TASOR: variants seen among roughly 807,000 people sequenced by gnomAD.
The protein encoded by TASOR is transcription activation suppressor, also known as protein TASOR.
Under a neutral mutation model 178.6 loss-of-function variants are expected in TASOR, and 53 were observed. That is an observed-to-expected ratio of 0.30 (90% CI 0.24 to 0.37). TASOR has a LOEUF of 0.37. Ranked by LOEUF, TASOR falls within the 10% of genes least tolerant of loss-of-function variation. The pLI is 1.00. For missense variants in TASOR, 1,815 were observed against 1,971.4 expected, an observed-to-expected ratio of 0.92 and a Z score of 1.50; for synonymous variants, 713 against 696.2, an observed-to-expected ratio of 1.02 and a Z score of -0.38.
rs1037820175 is a variant in TASOR at position 56,620,534 on chromosome 3, C to CTTT, written c.*2500_*2502dup. 5 of 152,152 alleles carry CTTT rather than the reference C, an allele frequency of 3.3e-5. No individual in the cohort carries two copies. Among genetic ancestry groups the CTTT allele is most frequent in the African/African-American group, 1.2e-4 (5 of 41,420 alleles). The allele number at this position is 152,152 out of a possible 1,614,324, so 9.4% of individuals were successfully genotyped here. A position where few individuals can be genotyped will look rare whatever the true frequency, so the allele number is the denominator to read the frequency against. On this transcript the variant is annotated 3_prime_UTR_variant, in exon 24 of 24. Coordinates refer to ENST00000683822, the MANE Select transcript of TASOR (RefSeq NM_001365635.2). ...AGAGTAAGCTGTGTTTAAAAGTGCC[C>CTTT]TTTTCCATGTCGTCATGTACCAATA...
rs752951433 is a variant in TASOR, at chr3:56,627,792, C to T, written c.3871-51G>A. The stretch of plus-strand genomic sequence containing the variant: ...GAAACAGATGGAGGGAATGAATTGA[C>T]AGACTCAAGTGTGAAGGAACCTACA... On this transcript the variant is annotated intron_variant, in intron 19 of 23. Transcript: ENST00000683822. 25 of 1,568,124 alleles carry T rather than the reference C, an allele frequency of 1.6e-5. No homozygotes were observed. The South Asian group carries it at 2.9e-4, about 18-fold the overall frequency.
chr3:56,664,207 C>T (rs2077660672), intron 7 of TASOR: 1 of 151,990 alleles, frequency 6.6e-6, no homozygotes, highest in South Asian at 2.1e-4. Flanking sequence ...ATGCAGAGGC[C>T]CTGAAGCAGG....
Position 56,682,863 on chromosome 3 carries a change from G to C in TASOR, c.144C>G (p.Ile48Met). 1 of 1,549,868 alleles carries C rather than the reference G, an allele frequency of 6.5e-7. No homozygotes were observed. Among genetic ancestry groups the C allele is most frequent in the Middle Eastern group, 1.7e-4 (1 of 5,988 alleles). ...GCCCAGCGCCGCCGCTGGGCTCAGC[G>C]ATGTTGAGGCCGCCGCCGCCGCCAT... ...QQNGGGGGLN[I>M]AEPSGGAGRE... Residue 48 changes from isoleucine (I) to methionine (M), a missense_variant, in exon 1 of 24, where the codon ATC (isoleucine) becomes ATG (methionine). Around this residue, in one of 5 missense-constraint regions of TASOR, gnomAD observed 244 missense variants for 202.7 expected, o/e 1.20. Coordinates refer to ENST00000683822, the MANE Select transcript of TASOR (RefSeq NM_001365635.2).
intron 14 of TASOR, among the ~76,000 whole-genome samples, chr3:56,645,502 C>A (rs1429140970): frequency 1.3e-5 from 2 of 152,142 alleles, no homozygotes; most frequent in Admixed American, 6.5e-5. Context: ...TAACACAAAA[C>A]GTGGATTGTT....
Position 56,621,568 on chromosome 3 carries a change from CTCCTG to C in TASOR, c.*1464_*1468del. On this transcript the variant is annotated 3_prime_UTR_variant, in exon 24 of 24. Coordinates refer to ENST00000683822, the MANE Select transcript of TASOR (RefSeq NM_001365635.2). ...GAAGCAAAAGGAGTTGGAAAGTAGT[CTCCTG>C]CCTTTAGCTGAAAATCAAGAAGAGA... The C allele has an allele frequency of 6.2e-7, 1 of 1,602,614 alleles. No homozygotes were observed. Among genetic ancestry groups the C allele is most frequent in the Non-Finnish European group, 8.5e-7 (1 of 1,175,118 alleles).
rs1348840247 is a variant in TASOR, at chr3:56,633,466, C to T, written c.3325G>A (p.Ala1109Thr). ...TCCAGAGGATTCGATGCTATCTTAGCACCAGAATCGTTAGGACTGACTGGT... is the reference window on the plus strand; with the variant it reads ...TCCAGAGGATTCGATGCTATCTTAGTACCAGAATCGTTAGGACTGACTGGT... ...LPPVSPNDSG[A>T]KIASNPLERH... The change falls in exon 18 of 24, where the codon GCT becomes ACT. Residue 1109 changes from alanine to threonine, a missense_variant. By Grantham distance (58) the Ala-to-Thr change is moderately conservative. This residue lies in a region of TASOR where 655 missense variants were observed against 671.1 expected (regional missense o/e 0.98). Transcript: ENST00000683822. 6.2e-7 allele frequency: 1 copy of T among 1,614,018 alleles called. No homozygotes were observed. The highest frequency in any genetic ancestry group is 8.5e-7 in the Non-Finnish European group (1 of 1,180,026).
At chr3:56,669,997 G>A in intron 4 of TASOR, 76 bp downstream of exon 4, 1 of 1,047,924 alleles carries the variant, frequency 9.5e-7, no homozygotes, top group South Asian at 1.6e-5. Flanking sequence ...AACAACTGCA[G>A]TGAAATTACG....
intron 1 of TASOR, among the ~76,000 whole-genome samples, chr3:56,676,392 T>C (rs1429212128): frequency 2.6e-5 from 4 of 152,212 alleles, no homozygotes; most frequent in Non-Finnish European, 2.9e-5. Flanking sequence ...AAGGCATATA[T>C]TGTCTTCATT....
intron 1 of TASOR, among the ~76,000 whole-genome samples, chr3:56,674,387 G>C (rs1457415455): frequency 6.6e-6 from 1 of 151,480 alleles, no homozygotes; most frequent in Non-Finnish European, 1.5e-5. Context: ...GTGCATGCCT[G>C]TAGTACCAGC....
rs1382621387 is a variant in TASOR, at chr3:56,627,730, C to T, written c.3882G>A (p.Leu1294=). Residue 1294 remains leucine (L), a synonymous_variant, in exon 20 of 24, where the codon TTG becomes TTA. Coordinates refer to ENST00000683822, the MANE Select transcript of TASOR (RefSeq NM_001365635.2). ...CACAGGGGAGCTTCTTTAAAGTCAC[C>T]AAGCCAGGTATCTGTTTAAATCCCA... ...IAGFIHKIPG[L]VTLKKLPCVS... is the part of the protein sequence containing the mutation. The T allele has an allele frequency of 6.2e-7, 1 of 1,613,528 alleles. No homozygotes were observed. Among genetic ancestry groups the T allele is most frequent in the Admixed American group, 1.7e-5 (1 of 59,926 alleles).
In TASOR at chr3:56,671,003, G is replaced by T. The variant is rs935158323; in HGVS notation, c.570+597C>A. On this transcript the variant is annotated intron_variant, in intron 3 of 23. Transcript: ENST00000683822. The stretch of plus-strand genomic sequence containing the variant: ...GGCACATAGAATCAACAATATAGAA[G>T]ATAATCTCACATATAATCAACAATA... Among the ~76,000 whole-genome samples, 5 of 128,804 alleles carry T rather than the reference G, an allele frequency of 3.9e-5. 1 individual carries two copies. The highest frequency in any genetic ancestry group is 7.9e-5 in the Admixed American group (1 of 12,586). 84.5% of individuals were successfully genotyped at this position (128,804 alleles called of 152,430 possible).
chr3:56,639,087 C>T (rs574002099), intron 16 of TASOR, among the ~76,000 whole-genome samples: 1 of 152,266 alleles, frequency 6.6e-6, no homozygotes, highest in African/African-American at 2.4e-5. Flanking sequence ...ACCTACAGGC[C>T]TCCTACCCTC....
At chr3:56,668,320 T>C in intron 6 of TASOR, 77 bp downstream of exon 6, 1 of 1,390,940 alleles carries the variant, frequency 7.2e-7, no homozygotes, top group South Asian at 1.4e-5. Context: ...CAGAGAGAAC[T>C]GAAAGGGAGA....
intron 18 of TASOR, 151 bp from the exon 19 acceptor site, chr3:56,628,765 CT>C (rs35779948): frequency 0.088 from 37,314 of 423,218 alleles, 530 homozygotes; most frequent in South Asian, 0.12. Context: ...CCATCAAATC[CT>C]TTTTTTTTTT....
chr3:56,628,751 G>A, intron 18 of TASOR, 137 bp from the exon 19 acceptor site: 1 of 579,116 alleles, frequency 1.7e-6, no homozygotes. Context: ...TACACTCTAA[G>A]AGACCATCAA....
chr3:56,632,423 C>T (rs1326345008), intron 18 of TASOR, among the ~76,000 whole-genome samples: 2 of 151,634 alleles, frequency 1.3e-5, no homozygotes, highest in African/African-American at 4.8e-5. Context: ...TGCAGTGAGC[C>T]GAGATCACGC....
intron 8 of TASOR, 115 bp from the exon 9 acceptor site, chr3:56,662,605 G>GA: frequency 1.3e-4 from 57 of 451,274 alleles, no homozygotes; most frequent in South Asian, 1.9e-4. Flanking sequence ...AAGTAGGAGG[G>GA]CAAAAAAAAA....
Position 56,621,495 on chromosome 3 carries a change from A to G in TASOR, c.*1542T>C. 1 of 1,300,334 alleles carries G rather than the reference A, an allele frequency of 7.7e-7. No homozygotes were observed. The allele number at this position is 1,300,334 out of a possible 1,614,324, so 80.5% of individuals were successfully genotyped here. A position where few individuals can be genotyped will look rare whatever the true frequency, so the allele number is the denominator to read the frequency against. ...ACACAACATTGCAAGTCAGGTGTGC[A>G]CATTTTACTAACAAACATATATCAA... On this transcript the variant is annotated 3_prime_UTR_variant, in exon 24 of 24. Transcript: ENST00000683822.
intron 9 of TASOR, among the ~76,000 whole-genome samples, chr3:56,661,736 T>C (rs1469639671): frequency 6.6e-6 from 1 of 152,234 alleles, no homozygotes; most frequent in African/African-American, 2.4e-5. Context: ...AAAGAACTGG[T>C]AACTTTTAAG....
Sources: gnomAD v4.1 joint callset for allele counts (sites outside exome capture counted in the v4.1 genomes callset) on GRCh38, gnomAD v4.1.1 for gene constraint, gnomAD v4.1.1 regional missense constraint, MANE v1.5 for transcripts, NCBI Gene and HGNC (gene_info 2026-07-23, HGNC 2026-07-21) for gene names.